Variants in EDIL3 observed in about 807,000 individuals in gnomAD.
EDIL3 encodes the protein EGF like and discoidin domains 3.
A neutral mutation model predicts 67.4 loss-of-function variants in EDIL3; 37 were observed. That is an observed-to-expected ratio of 0.55 (90% CI 0.42 to 0.72). The LOEUF (loss-of-function observed/expected upper bound fraction) is 0.72. Among genes scored for constraint, EDIL3 ranks in the 30% least tolerant of loss-of-function variants. The pLI is 0.00. For missense variants in EDIL3, 527 were observed against 586.3 expected, an observed-to-expected ratio of 0.90 and a Z score of 1.04; for synonymous variants, 195 against 196.3, an observed-to-expected ratio of 0.99 and a Z score of 0.05.
chr5:84,211,914 T>G (rs1744127285), intron 3 of EDIL3, among the ~76,000 whole-genome samples: 1 of 152,172 alleles, frequency 6.6e-6, no homozygotes, highest in Non-Finnish European at 1.5e-5. Flanking sequence ...CTGACATGAC[T>G]GCAATTTGCA....
chr5:84,154,444 A>C lies in EDIL3; in HGVS notation c.356-17090T>G, dbSNP rs191202254. 1.7e-3 allele frequency among the ~76,000 whole-genome samples: 254 copies of C among 152,230 alleles called. 1 individual carries two copies. The highest frequency in any genetic ancestry group is 3.4e-3 in the Middle Eastern group (1 of 294). Reference sequence around the variant, plus strand: ...AAAAAAAAGTCACTGCACTTCACTAAAAATGTGCCACTTTATGGAGGCTGT... The same window carrying C: ...AAAAAAAAGTCACTGCACTTCACTACAAATGTGCCACTTTATGGAGGCTGT... On this transcript the variant is annotated intron_variant, in intron 4 of 10. Coordinates refer to ENST00000296591, the MANE Select transcript of EDIL3 (RefSeq NM_005711.5).
At chr5:84,282,431 C>T (rs185725617) in intron 1 of EDIL3, among the ~76,000 whole-genome samples, 39 of 152,236 alleles carry the variant, frequency 2.6e-4, no homozygotes, top group Middle Eastern at 3.4e-3. Context: ...ATCCGTTTTA[C>T]CCAGAAAACT....
intron 6 of EDIL3, among the ~76,000 whole-genome samples, chr5:84,070,653 A>AT (rs1426133234): frequency 7.5e-6 from 1 of 132,752 alleles, no homozygotes; most frequent in African/African-American, 3.2e-5. Flanking sequence ...GTGTGTTTAA[A>AT]TCTAATCATG....
chr5:83,974,421 G>A (rs895261664), intron 9 of EDIL3, among the ~76,000 whole-genome samples: 4 of 151,918 alleles, frequency 2.6e-5, no homozygotes, highest in African/African-American at 7.2e-5. Context: ...AATTGCCTGC[G>A]GATTCTGGGG....
At chr5:84,135,660 T>C (rs1371329732) in intron 5 of EDIL3, among the ~76,000 whole-genome samples, 2 of 152,138 alleles carry the variant, frequency 1.3e-5, no homozygotes, top group Admixed American at 6.6e-5. Context: ...AGTTAAATGC[T>C]TCACGGGAAG....
intron 4 of EDIL3, 55 bp downstream of exon 4, chr5:84,180,338 C>T (rs1748992854): frequency 5.9e-6 from 9 of 1,513,188 alleles, no homozygotes; most frequent in Non-Finnish European, 7.1e-6. Flanking sequence ...ATGATGATGG[C>T]TTGTATACTT....
At chr5:84,352,484 G>A (rs982538132) in intron 1 of EDIL3, among the ~76,000 whole-genome samples, 1 of 152,100 alleles carries the variant, frequency 6.6e-6, no homozygotes, top group Admixed American at 6.6e-5. Flanking sequence ...ATGAAATAAT[G>A]TCTTTGCAGC....
intron 1 of EDIL3, among the ~76,000 whole-genome samples, chr5:84,263,428 G>A (rs770537666): frequency 6.6e-6 from 1 of 152,192 alleles, no homozygotes; most frequent in African/African-American, 2.4e-5. Flanking sequence ...AGAATCAAAG[G>A]GGTAGGTGTA....
chr5:84,232,332 A>G (rs1232129194), intron 2 of EDIL3, among the ~76,000 whole-genome samples: 1 of 152,190 alleles, frequency 6.6e-6, no homozygotes, highest in African/African-American at 2.4e-5. Flanking sequence ...TTCCCTTACA[A>G]TCCAGGGACA....
At chr5:83,980,077 C>A (rs577646897) in intron 9 of EDIL3, among the ~76,000 whole-genome samples, 2 of 152,226 alleles carry the variant, frequency 1.3e-5, no homozygotes, top group East Asian at 1.9e-4. Context: ...ACTCTTGAGA[C>A]CCTCTGGAGA....
At chr5:84,259,565 A>C (rs1029747377) in intron 1 of EDIL3, among the ~76,000 whole-genome samples, 17 of 152,166 alleles carry the variant, frequency 1.1e-4, no homozygotes, top group Admixed American at 8.5e-4. Context: ...CAACAGAATA[A>C]AGCAATTATT....
At chr5:84,186,551 G>T (rs1235068257) in intron 3 of EDIL3, among the ~76,000 whole-genome samples, 2 of 151,728 alleles carry the variant, frequency 1.3e-5, no homozygotes, top group East Asian at 3.9e-4. Flanking sequence ...TACTATGCTT[G>T]GTATTAATAC....
intron 9 of EDIL3, among the ~76,000 whole-genome samples, chr5:84,044,387 A>AT (rs11422307): frequency 0.064 from 9,540 of 149,384 alleles, 544 homozygotes; most frequent in East Asian, 0.34. Context: ...GCCCAGAACC[A>AT]TTTTTTTTTT....
At chr5:84,041,411 C>T (rs1746119334) in intron 9 of EDIL3, among the ~76,000 whole-genome samples, 2 of 151,674 alleles carry the variant, frequency 1.3e-5, no homozygotes, top group South Asian at 4.2e-4. Context: ...GACTTTGACA[C>T]CAACATGTAA....
At chr5:84,074,362 C>T (rs1185847659) in intron 6 of EDIL3, among the ~76,000 whole-genome samples, 1 of 152,064 alleles carries the variant, frequency 6.6e-6, no homozygotes, top group African/African-American at 2.4e-5. Context: ...TCTAATAAAA[C>T]TAAAGAGCTT....
intron 9 of EDIL3, among the ~76,000 whole-genome samples, chr5:84,021,844 G>T (rs73151655): frequency 4.0e-5 from 6 of 151,804 alleles, no homozygotes; most frequent in Non-Finnish European, 7.4e-5. Context: ...TACCAAGATT[G>T]AATTTAGAAG....
In EDIL3 at chr5:83,943,325, A is replaced by G; in HGVS notation, c.*94T>C. 1 of 1,542,464 alleles carries G rather than the reference A, an allele frequency of 6.5e-7. No homozygotes were observed. Among genetic ancestry groups the G allele is most frequent in the South Asian group, 1.2e-5 (1 of 81,546 alleles). ...AGCACTTTTTCATGAAAAAAAAAAA[A>G]AAACCATTCAGTTTCCTACAGATTT... On this transcript the variant is annotated 3_prime_UTR_variant, in exon 11 of 11. Coordinates refer to ENST00000296591, the MANE Select transcript of EDIL3 (RefSeq NM_005711.5).
At chr5:84,307,098 G>A (rs1264941890) in intron 1 of EDIL3, among the ~76,000 whole-genome samples, 2 of 152,192 alleles carry the variant, frequency 1.3e-5, no homozygotes, top group East Asian at 1.9e-4. Flanking sequence ...TAGTTAGGAA[G>A]GTACAATTGA....
chr5:84,057,602 A>G (rs1746472289), intron 9 of EDIL3, among the ~76,000 whole-genome samples: 1 of 152,196 alleles, frequency 6.6e-6, no homozygotes, highest in African/African-American at 2.4e-5. Context: ...AATGATGGCT[A>G]TATATTATAA....
Sources: gnomAD v4.1 joint callset for allele counts (sites outside exome capture counted in the v4.1 genomes callset) on GRCh38, gnomAD v4.1.1 for gene constraint, MANE v1.5 for transcripts, NCBI Gene and HGNC (gene_info 2026-07-23, HGNC 2026-07-21) for gene names.